The following CHST13 variants were observed in gnomAD, a reference collection of about 807,000 sequenced individuals.
CHST13 encodes the protein C4ST-3.
Under a neutral mutation model 7.0 loss-of-function variants are expected in CHST13, and 1 was observed. The observed-to-expected ratio is 0.14, with a 90% confidence interval of 0.05 to 0.68. The LOEUF (loss-of-function observed/expected upper bound fraction) is 0.68, where lower values mean the gene tolerates loss of function less well. Among genes scored for constraint, CHST13 ranks in the 30% least tolerant of loss-of-function variants. The pLI is 0.82. For synonymous variants in CHST13, 257 were observed against 240.9 expected (o/e 1.07, Z -0.62); for missense variants, 572 against 507.9 (o/e 1.13, Z -1.21).
chr3:126,526,833 AC>A (rs1936546021), intron 1 of CHST13, among the ~76,000 whole-genome samples: 1 of 152,074 alleles, frequency 6.6e-6, no homozygotes, highest in Admixed American at 6.5e-5. Context: ...CCAATGGCAG[AC>A]CCCTGGGTCT....
intron 1 of CHST13, among the ~76,000 whole-genome samples, chr3:126,530,162 C>G (rs1468630783): frequency 3.9e-5 from 6 of 152,214 alleles, no homozygotes. Context: ...TGCCCGTCTG[C>G]AGGGCCCAGG....
In CHST13 at chr3:126,542,053, C is replaced by T; in HGVS notation, c.501C>T (p.Tyr167=). 9 of 1,578,668 alleles carry T rather than the reference C, an allele frequency of 5.7e-6. No homozygotes were observed. Among genetic ancestry groups the T allele is most frequent in the Non-Finnish European group, 7.7e-6 (9 of 1,166,686 alleles). Residue 167 remains tyrosine (Y), a synonymous_variant, in exon 3 of 3, where the codon TAC becomes TAT. Coordinates refer to ENST00000319340, the MANE Select transcript of CHST13 (RefSeq NM_152889.3). ...PAEINRRLRA[Y]LAFLFVREPF... The stretch of plus-strand genomic sequence containing the variant: ...AGATCAACCGGCGCCTGCGCGCCTA[C>T]TTGGCCTTCCTGTTCGTGCGGGAGC...
intron 2 of CHST13, among the ~76,000 whole-genome samples, chr3:126,537,939 C>A (rs945646281): frequency 1.3e-5 from 2 of 152,304 alleles, no homozygotes; most frequent in East Asian, 1.9e-4. Flanking sequence ...AGCAAGGAAT[C>A]CAGGCAGCCA....
At position 126,524,761 on chromosome 3, in the gene CHST13, C is replaced by G. The variant is rs995378147; in HGVS notation, c.97+332C>G. On this transcript the variant is annotated intron_variant, in intron 1 of 2. Transcript: ENST00000319340. The stretch of plus-strand genomic sequence containing the variant: ...AAGGCCATCTCCCTTACCTTCACCC[C>G]CTTCCCCTGCGCACCCCACGGCCCC... Among the ~76,000 whole-genome samples, 10 of 152,194 alleles carry G rather than the reference C, an allele frequency of 6.6e-5. No individual in the cohort carries two copies. The East Asian group carries it at 7.7e-4, about 12-fold the overall frequency.
At chr3:126,536,079 C>G (rs1326175151) in intron 1 of CHST13, among the ~76,000 whole-genome samples, 192 bp from the exon 2 acceptor site, 1 of 152,154 alleles carries the variant, frequency 6.6e-6, no homozygotes, top group Non-Finnish European at 1.5e-5. Flanking sequence ...AGATACTACC[C>G]TGATGTAATT....
intron 2 of CHST13, among the ~76,000 whole-genome samples, chr3:126,538,864 T>C (rs1936859147): frequency 6.6e-6 from 1 of 152,156 alleles, no homozygotes; most frequent in African/African-American, 2.4e-5. Flanking sequence ...TTTCTCAAAA[T>C]GGTGAGATTT....
chr3:126,524,434 G>C lies in CHST13; in HGVS notation c.97+5G>C, dbSNP rs1936496267. On this transcript the variant is annotated splice_donor_5th_base_variant and intron_variant, in intron 1 of 2. Coordinates refer to ENST00000319340, the MANE Select transcript of CHST13 (RefSeq NM_152889.3). ...CGCCCCGCTCCCTGCGCCCGGGTGA[G>C]TGCCCGCCGGCCGAGCCGCGCACCC... 3.7e-6 allele frequency: 4 copies of C among 1,085,932 alleles called. No homozygotes were observed. The highest frequency in any genetic ancestry group is 4.7e-6 in the Non-Finnish European group (4 of 856,642). 67.3% of individuals were successfully genotyped at this position (1,085,932 alleles called of 1,614,324 possible). A position where few individuals can be genotyped will look rare whatever the true frequency, so the allele number is the denominator to read the frequency against.
Position 126,542,740 on chromosome 3 carries a change from G to A in CHST13, c.*162G>A. 8.8e-7 allele frequency: 1 copy of A among 1,142,354 alleles called. No individual in the cohort carries two copies. Among genetic ancestry groups the A allele is most frequent in the Non-Finnish European group, 1.1e-6 (1 of 878,800 alleles). 70.8% of individuals were successfully genotyped at this position (1,142,354 alleles called of 1,614,324 possible). Reference sequence around the variant, plus strand: ...GCAGGGCACACCTGGCCAGGCTTGGGGGCAGCCCATCTCAGGTGGCCCTGC... The same window carrying A: ...GCAGGGCACACCTGGCCAGGCTTGGAGGCAGCCCATCTCAGGTGGCCCTGC... On this transcript the variant is annotated 3_prime_UTR_variant, in exon 3 of 3. Coordinates refer to ENST00000319340, the MANE Select transcript of CHST13 (RefSeq NM_152889.3).
chr3:126,529,386 A>T (rs767298496), intron 1 of CHST13: 6 of 1,289,066 alleles, frequency 4.7e-6, no homozygotes, highest in Non-Finnish European at 6.1e-6. Flanking sequence ...CGGATGCCGC[A>T]AGGGGGGACA....
Position 126,542,034 on chromosome 3 carries a change from A to C in CHST13, c.482A>C (p.Asn161Thr), listed in dbSNP as rs1283823942. 1.7e-5 allele frequency: 26 copies of C among 1,573,432 alleles called. No individual in the cohort carries two copies. Among genetic ancestry groups the C allele is most frequent in the Non-Finnish European group, 2.1e-5 (25 of 1,164,238 alleles). The change falls in exon 3 of 3, where the codon AAC (asparagine) becomes ACC (threonine). Residue 161 changes from asparagine (N) to threonine (T), a missense_variant. Coordinates refer to ENST00000319340, the MANE Select transcript of CHST13 (RefSeq NM_152889.3). ...GCCGACTTCAGCCCCGCCGAGATCA[A>C]CCGGCGCCTGCGCGCCTACTTGGCC... ...SLADFSPAEI[N>T]RRLRAYLAFL...
At chr3:126,528,401 A>C (rs1227064780) in intron 1 of CHST13, among the ~76,000 whole-genome samples, 1 of 152,190 alleles carries the variant, frequency 6.6e-6, no homozygotes, top group East Asian at 1.9e-4. Flanking sequence ...AAAAGATTTC[A>C]GCAATAAAGA....
chr3:126,539,438 GAC>G (rs930324745), intron 2 of CHST13, among the ~76,000 whole-genome samples: 3 of 151,490 alleles, frequency 2.0e-5, no homozygotes, highest in South Asian at 4.1e-4. Flanking sequence ...AGCGTACATG[GAC>G]ACACACACAA....
At chr3:126,532,951 A>T (rs1415908648) in intron 1 of CHST13, among the ~76,000 whole-genome samples, 1 of 152,184 alleles carries the variant, frequency 6.6e-6, no homozygotes, top group African/African-American at 2.4e-5. Flanking sequence ...ACGATGTCTC[A>T]TGGTTTTCAG....
In CHST13 at chr3:126,542,244, A is replaced by G. The variant is rs1227805824; in HGVS notation, c.692A>G (p.Tyr231Cys). 6.5e-7 allele frequency: 1 copy of G among 1,532,172 alleles called. No individual in the cohort carries two copies. Among genetic ancestry groups the G allele is most frequent in the South Asian group, 1.2e-5 (1 of 84,404 alleles). The allele number at this position is 1,532,172 out of a possible 1,614,324, so 94.9% of individuals were successfully genotyped here. The change falls in exon 3 of 3, where the codon TAC becomes TGC. Residue 231 changes from tyrosine (Y) to cysteine (C), a missense_variant. Coordinates refer to ENST00000319340, the MANE Select transcript of CHST13 (RefSeq NM_152889.3). ...GTGCGCTTCGCGGAGTTCCTGGCCT[A>G]CCTGCTGGACCCGCGCACGCGGCGT... ...HDVRFAEFLA[Y>C]LLDPRTRREE...
Position 126,542,148 on chromosome 3 carries a change from G to T in CHST13, c.596G>T (p.Arg199Leu). The change falls in exon 3 of 3, where the codon CGC becomes CTC. Residue 199 changes from arginine (R) to leucine (L), a missense_variant. Transcript: ENST00000319340. ...ARPYSAAFQR[R>L]YGARIVQRLR... ...CCCTACAGCGCCGCCTTCCAGAGGC[G>T]CTACGGTGCACGCATCGTTCAGCGC... is the stretch of plus-strand genomic sequence containing the variant. 1 of 1,553,138 alleles carries T rather than the reference G, an allele frequency of 6.4e-7. No homozygotes were observed.
chr3:126,536,001 C>G (rs892266368), intron 1 of CHST13, among the ~76,000 whole-genome samples: 2 of 152,176 alleles, frequency 1.3e-5, no homozygotes, highest in Non-Finnish European at 2.9e-5. Flanking sequence ...TATCACCTTC[C>G]CACTTGTCCC....
intron 1 of CHST13, among the ~76,000 whole-genome samples, 168 bp downstream of exon 1, chr3:126,524,597 GC>G (rs1182672166): frequency 1.3e-5 from 2 of 152,312 alleles, no homozygotes; most frequent in South Asian, 4.1e-4. Context: ...GGCTCTAGAC[GC>G]CCCCGCGAGC....
intron 1 of CHST13, among the ~76,000 whole-genome samples, chr3:126,535,843 C>T (rs1340465427): frequency 2.6e-5 from 4 of 152,280 alleles, no homozygotes; most frequent in Admixed American, 6.5e-5. Flanking sequence ...TTGCCCAAAC[C>T]TTTCTGGCTG....
Position 126,542,184 on chromosome 3 carries a change from G to C in CHST13, c.632G>C (p.Arg211Pro). 1.4e-6 allele frequency: 2 copies of C among 1,446,336 alleles called. No homozygotes were observed. The highest frequency in any genetic ancestry group is 1.8e-6 in the Non-Finnish European group (2 of 1,106,988). The allele number at this position is 1,446,336 out of a possible 1,614,324, so 89.6% of individuals were successfully genotyped here. A position where few individuals can be genotyped will look rare whatever the true frequency, so the allele number is the denominator to read the frequency against. Residue 211 changes from arginine (R) to proline (P), a missense_variant, in exon 3 of 3, where the codon CGC becomes CCC. By Grantham distance (103) the Arg-to-Pro change is moderately radical. Transcript: ENST00000319340. ...GARIVQRLRP[R>P]ALPDARARGH... Reference sequence around the variant, plus strand: ...CGCATCGTTCAGCGCCTGCGGCCGCGCGCGCTCCCCGACGCCCGGGCCCGC... The same window carrying C: ...CGCATCGTTCAGCGCCTGCGGCCGCCCGCGCTCCCCGACGCCCGGGCCCGC...
Sources: allele counts gnomAD v4.1 joint callset (sites outside exome capture counted in the v4.1 genomes callset), GRCh38; gene constraint gnomAD v4.1.1; transcripts MANE v1.5; gene names NCBI Gene and HGNC (gene_info 2026-07-23, HGNC 2026-07-21).